CNKSR2: variants seen among roughly 807,000 people sequenced by gnomAD.
CNKSR2 encodes connector enhancer of kinase suppressor of Ras 2, also known as CNK homolog protein 2.
A neutral mutation model predicts 84.4 loss-of-function variants in CNKSR2; 14 were observed. The observed-to-expected ratio is 0.17, with a 90% CI of 0.11 to 0.26. The LOEUF (loss-of-function observed/expected upper bound fraction) is 0.26, where lower values mean the gene tolerates loss of function less well. Ranked by LOEUF, CNKSR2 falls within the 10% of genes least tolerant of loss-of-function variation. The pLI is 1.00. For synonymous variants in CNKSR2, 275 were observed against 277.9 expected (o/e 0.99, Z 0.10); for missense variants, 485 against 771.2 (o/e 0.63, Z 4.40).
intron 20 of CNKSR2, among the ~76,000 whole-genome samples, chrX:21,632,990 TACACACACACACACACAC>T (rs200936630): frequency 2.0e-5 from 2 of 100,660 alleles, no homozygotes; most frequent in Non-Finnish European, 4.1e-5. Flanking sequence ...TTATATAATA[TACACACACACACACACAC>T]ACACACACAC....
intron 4 of CNKSR2, among the ~76,000 whole-genome samples, chrX:21,468,171 C>T (rs1457520294): frequency 9.1e-6 from 1 of 110,107 alleles, no homozygotes; most frequent in Admixed American, 9.8e-5. Flanking sequence ...AAGTCAGGGG[C>T]CATGTTTTAT....
chrX:21,405,269 G>A (rs2146996715), intron 1 of CNKSR2, among the ~76,000 whole-genome samples: 1 of 111,506 alleles, frequency 9.0e-6, no homozygotes, highest in African/African-American at 3.3e-5. Flanking sequence ...ATACTATTGG[G>A]CATTCTTATC....
chrX:21,450,164 C>T (rs145669505), intron 4 of CNKSR2, among the ~76,000 whole-genome samples: 84 of 110,602 alleles, frequency 7.6e-4, no homozygotes, highest in African/African-American at 2.7e-3. Context: ...CAGTGGGGGA[C>T]AATAAATGAC....
Position 21,450,084 on chromosome X carries a change from T to A in CNKSR2, c.519+9303T>A, listed in dbSNP as rs187927269. Among the ~76,000 whole-genome samples, 148 of 111,063 alleles carry A rather than the reference T, an allele frequency of 1.3e-3. 2 individuals carry two copies. The highest frequency in any genetic ancestry group is 4.5e-3 in the African/African-American group (138 of 30,418). ...TTTGTACTGTGTGTGTGTGTGTGTG[T>A]GAGACACAGAGAGAAAGAGGATCAG... On this transcript the variant is annotated intron_variant, in intron 4 of 21. Coordinates refer to ENST00000379510, the MANE Select transcript of CNKSR2 (RefSeq NM_014927.5).
chrX:21,458,799 C>T (rs919638504), intron 4 of CNKSR2, among the ~76,000 whole-genome samples: 2 of 110,310 alleles, frequency 1.8e-5, no homozygotes, highest in Non-Finnish European at 3.8e-5. Flanking sequence ...TGTTATTCCC[C>T]TCTATGTGTC....
In CNKSR2 at chrX:21,394,710, T is replaced by C. The variant is rs908596113; in HGVS notation, c.64+19749T>C. On this transcript the variant is annotated intron_variant, in intron 1 of 21. Coordinates refer to ENST00000379510, the MANE Select transcript of CNKSR2 (RefSeq NM_014927.5). ...TATTTTATCACAAAGTTTATGATTA[T>C]TTAAATTTTATTTCTCAAATCTTGT... Among the ~76,000 whole-genome samples the C allele has an allele frequency of 8.1e-5, 9 of 111,529 alleles. No individual in the cohort carries two copies. In the East Asian group the frequency reaches 2.0e-3, roughly 24 times the overall value.
At chrX:21,551,235 A>T (rs1193234552) in intron 11 of CNKSR2, among the ~76,000 whole-genome samples, 1 of 110,615 alleles carries the variant, frequency 9.0e-6, no homozygotes, top group African/African-American at 3.3e-5. Context: ...GACTAGGGGA[A>T]GGATAGCATT....
chrX:21,588,750 T>A (rs2092403369), intron 13 of CNKSR2, among the ~76,000 whole-genome samples: 1 of 112,126 alleles, frequency 8.9e-6, no homozygotes, highest in African/African-American at 3.2e-5. Flanking sequence ...GCAAAAAGCA[T>A]AGAAGGTACA....
At chrX:21,611,700 GAGTTTAGTGGGT>G (rs1445327010) in intron 20 of CNKSR2, among the ~76,000 whole-genome samples, 1 of 111,897 alleles carries the variant, frequency 8.9e-6, no homozygotes, top group Non-Finnish European at 1.9e-5. Flanking sequence ...CATTTCAGAT[GAGTTTAGTGGGT>G]AGTTATTCAG....
rs1229529311 is a variant in CNKSR2, at chrX:21,648,770, T to TTC, written c.2693-41_2693-40dup. ...TATATTGCAATGAATTCATTTCTCTTTCTCTCTCTCTCTCTCTCTCTTTCT... is the reference window on the plus strand; with the variant it reads ...TATATTGCAATGAATTCATTTCTCTTTCTCTCTCTCTCTCTCTCTCTCTTTCT... On this transcript the variant is annotated intron_variant, in intron 20 of 21. Coordinates refer to ENST00000379510, the MANE Select transcript of CNKSR2 (RefSeq NM_014927.5). 987 of 750,268 alleles carry TTC rather than the reference T, an allele frequency of 1.3e-3. 1 individual carries two copies. Among genetic ancestry groups the TTC allele is most frequent in the African/African-American group, 5.5e-3 (231 of 42,138 alleles). The allele number at this position is 750,268 out of a possible 1,213,427, so 61.8% of individuals were successfully genotyped here. A position where few individuals can be genotyped will look rare whatever the true frequency, so the allele number is the denominator to read the frequency against.
At chrX:21,483,759 AG>A (rs2091348973) in intron 5 of CNKSR2, among the ~76,000 whole-genome samples, 2 of 109,834 alleles carry the variant, frequency 1.8e-5, no homozygotes, top group South Asian at 7.8e-4. Context: ...CCATCATAAG[AG>A]TGCAAAATTT....
At chrX:21,413,651 A>ATCC (rs2090376066) in intron 1 of CNKSR2, among the ~76,000 whole-genome samples, 1 of 110,340 alleles carries the variant, frequency 9.1e-6, no homozygotes, top group African/African-American at 3.3e-5. Context: ...TTTGGTAACC[A>ATCC]TCCTTCTACT....
intron 1 of CNKSR2, chrX:21,425,051 C>A (rs2090547004): frequency 9.0e-6 from 1 of 111,552 alleles, no homozygotes; most frequent in African/African-American, 3.3e-5. Flanking sequence ...ATATACAGTT[C>A]TTATCCACAT....
At chrX:21,380,532 C>T (rs907221294) in intron 1 of CNKSR2, among the ~76,000 whole-genome samples, 4 of 106,004 alleles carry the variant, frequency 3.8e-5, no homozygotes, top group African/African-American at 1.4e-4. Context: ...CTGCAACCTC[C>T]GCCTCCTGGG....
At chrX:21,439,676 A>G (rs1363436364) in intron 3 of CNKSR2, among the ~76,000 whole-genome samples, 1 of 110,861 alleles carries the variant, frequency 9.0e-6, no homozygotes, top group Non-Finnish European at 1.9e-5. Context: ...GGCAGCTCAG[A>G]TGAAATGGTC....
intron 13 of CNKSR2, among the ~76,000 whole-genome samples, chrX:21,578,251 G>A (rs368934857): frequency 2.7e-5 from 3 of 111,606 alleles, no homozygotes; most frequent in Non-Finnish European, 5.7e-5. Context: ...AGGTAAATTA[G>A]TGTAAACTTT....
chrX:21,453,918 A>G (rs1026542720), intron 4 of CNKSR2, among the ~76,000 whole-genome samples: 1 of 111,609 alleles, frequency 9.0e-6, no homozygotes, highest in South Asian at 3.9e-4. Context: ...TCACAAGAAC[A>G]GCAAGGGGGA....
intron 4 of CNKSR2, among the ~76,000 whole-genome samples, chrX:21,459,790 A>G (rs189944726): frequency 1.8e-5 from 2 of 111,099 alleles, no homozygotes; most frequent in African/African-American, 6.5e-5. Context: ...AATATTTCTT[A>G]GAAGACCAGT....
chrX:21,459,328 T>C (rs919675465), intron 4 of CNKSR2, among the ~76,000 whole-genome samples: 3 of 112,343 alleles, frequency 2.7e-5, no homozygotes, highest in African/African-American at 9.7e-5. Context: ...CAGGCTATCC[T>C]TAAGCTTCAC....
Sources: gnomAD v4.1 joint callset for allele counts (sites outside exome capture counted in the v4.1 genomes callset) on GRCh38, gnomAD v4.1.1 for gene constraint, MANE v1.5 for transcripts, NCBI Gene and HGNC (gene_info 2026-07-23, HGNC 2026-07-21) for gene names.